The following EHBP1 variants were observed in gnomAD, a reference collection of about 807,000 sequenced individuals.
EHBP1 encodes EH domain-binding protein 1.
In EHBP1, 55 loss-of-function variants were observed where a neutral mutation model predicts 144.0. That is an observed-to-expected ratio of 0.38 (90% CI 0.31 to 0.48). EHBP1 has a LOEUF of 0.48. EHBP1 is among the 20% of genes least tolerant of loss of function. The pLI is 0.98. For missense variants in EHBP1, 1,200 were observed against 1,364.2 expected (o/e 0.88, Z 1.90); for synonymous variants, 469 against 472.7 (o/e 0.99, Z 0.10).
intron 2 of EHBP1, among the ~76,000 whole-genome samples, chr2:62,734,969 C>T (rs1300970460): frequency 5.9e-5 from 9 of 152,248 alleles, no homozygotes; most frequent in African/African-American, 2.4e-5. Context: ...GGCGCGATCA[C>T]GGCACACTGC....
At chr2:62,800,074 G>T (rs1256675982) in intron 5 of EHBP1, among the ~76,000 whole-genome samples, 1 of 152,186 alleles carries the variant, frequency 6.6e-6, no homozygotes, top group Non-Finnish European at 1.5e-5. Flanking sequence ...TAATTTTTAT[G>T]CCAGTCATGT....
intron 1 of EHBP1, among the ~76,000 whole-genome samples, chr2:62,680,254 C>A (rs914434149): frequency 6.6e-6 from 1 of 152,210 alleles, no homozygotes; most frequent in African/African-American, 2.4e-5. Flanking sequence ...CCTCCCCTCT[C>A]ATTTTCAGTG....
At chr2:62,771,497 A>T in intron 5 of EHBP1, 105 bp downstream of exon 5, 1 of 774,508 alleles carries the variant, frequency 1.3e-6, no homozygotes, top group East Asian at 2.7e-5. Context: ...GCCTTAAGAA[A>T]ATTAAATAGT....
At chr2:62,762,113 C>T (rs1303952626) in intron 3 of EHBP1, among the ~76,000 whole-genome samples, 1 of 152,054 alleles carries the variant, frequency 6.6e-6, no homozygotes, top group East Asian at 1.9e-4. Flanking sequence ...TTATTAATGG[C>T]TTCTGCTTTG....
In EHBP1 at chr2:62,937,411, C is replaced by T. The variant is rs190737032; in HGVS notation, c.1186-5307C>T. On this transcript the variant is annotated intron_variant, in intron 10 of 22. Transcript: ENST00000431489. The stretch of plus-strand genomic sequence containing the variant: ...TAGCTAATCTGTGTAAAGGTCTTAA[C>T]TTTGTGGGGCATAATAGGTGCTCAG... Among the ~76,000 whole-genome samples the T allele has an allele frequency of 6.8e-4, 103 of 152,248 alleles. 1 individual carries two copies. The highest frequency in any genetic ancestry group is 2.2e-3 in the African/African-American group (91 of 41,526).
intron 3 of EHBP1, among the ~76,000 whole-genome samples, chr2:62,759,537 C>G (rs1051264951): frequency 6.6e-6 from 1 of 152,098 alleles, no homozygotes; most frequent in Non-Finnish European, 1.5e-5. Context: ...TCCCAAGTAG[C>G]TGGGATTACA....
intron 16 of EHBP1, among the ~76,000 whole-genome samples, chr2:62,991,287 A>G (rs964991048): frequency 6.6e-6 from 1 of 151,986 alleles, no homozygotes; most frequent in Non-Finnish European, 1.5e-5. Context: ...AATTGTATTA[A>G]ATAGCCAATA....
At chr2:62,962,156 C>T (rs1252428174) in intron 14 of EHBP1, among the ~76,000 whole-genome samples, 1 of 151,904 alleles carries the variant, frequency 6.6e-6, no homozygotes, top group Non-Finnish European at 1.5e-5. Flanking sequence ...GAAACCCCAT[C>T]TCTACCAAAA....
intron 2 of EHBP1, among the ~76,000 whole-genome samples, chr2:62,713,984 A>G (rs2035412678): frequency 6.6e-6 from 1 of 152,190 alleles, no homozygotes; most frequent in Admixed American, 6.5e-5. Context: ...TTGGATATTG[A>G]TGTGCTTACA....
At chr2:62,944,442 C>T (rs1231446960) in intron 12 of EHBP1, among the ~76,000 whole-genome samples, 1 of 152,148 alleles carries the variant, frequency 6.6e-6, no homozygotes, top group African/African-American at 2.4e-5. Context: ...CAATTACCTA[C>T]ACTATTCAGT....
Position 63,045,839 on chromosome 2 carries a change from A to AT in EHBP1, c.*345dup. 5.4e-6 allele frequency: 1 copy of AT among 186,370 alleles called. No individual in the cohort carries two copies. The highest frequency in any genetic ancestry group is 1.1e-5 in the Non-Finnish European group (1 of 89,178). 11.5% of individuals were successfully genotyped at this position (186,370 alleles called of 1,614,324 possible). A position where few individuals can be genotyped will look rare whatever the true frequency, so the allele number is the denominator to read the frequency against. On this transcript the variant is annotated 3_prime_UTR_variant, in exon 23 of 23. Coordinates refer to ENST00000431489, the MANE Select transcript of EHBP1 (RefSeq NM_001142616.3). The surrounding 1 kb of genome is among the most constrained non-coding windows in gnomAD (Gnocchi z 5.7). Reference sequence around the variant, plus strand: ...AACACTTCCCTCGTTATTTTCTCTCATTTTTTGATGAGAGGAAAATTTGAA... The same window carrying AT: ...AACACTTCCCTCGTTATTTTCTCTCATTTTTTTGATGAGAGGAAAATTTGAA...
chr2:62,947,594 A>G (rs2057137646), intron 12 of EHBP1, among the ~76,000 whole-genome samples: 1 of 152,192 alleles, frequency 6.6e-6, no homozygotes, highest in Non-Finnish European at 1.5e-5. Flanking sequence ...TAAATTGAGA[A>G]ACAGCTTAGA....
chr2:62,987,440 A>T (rs998681105), intron 15 of EHBP1, among the ~76,000 whole-genome samples: 1 of 152,172 alleles, frequency 6.6e-6, no homozygotes, highest in African/African-American at 2.4e-5. Context: ...TGTTTTTATG[A>T]TAATATTTCA....
At chr2:62,897,838 A>C (rs868682285) in intron 10 of EHBP1, among the ~76,000 whole-genome samples, 1 of 152,268 alleles carries the variant, frequency 6.6e-6, no homozygotes, top group Middle Eastern at 3.4e-3. Flanking sequence ...CCTATAAACT[A>C]CCTATCCTAG....
At chr2:62,701,300 T>A (rs191200296), upstream of EHBP1, among the ~76,000 whole-genome samples, 1 of 152,336 alleles carries the variant, frequency 6.6e-6, no homozygotes, top group East Asian at 1.9e-4. Context: ...AAATATTATT[T>A]CAATATGTAA....
At chr2:62,684,829 C>A (rs562228184) in intron 1 of EHBP1, among the ~76,000 whole-genome samples, 3 of 152,102 alleles carry the variant, frequency 2.0e-5, no homozygotes, top group Non-Finnish European at 4.4e-5. Context: ...AAAGAGAGAA[C>A]GTTTATGTAT....
chr2:62,914,666 A>G (rs1167774372), intron 10 of EHBP1, among the ~76,000 whole-genome samples: 7 of 152,066 alleles, frequency 4.6e-5, no homozygotes, highest in Non-Finnish European at 1.0e-4. Flanking sequence ...GGCTCTACTT[A>G]GAGAACTGAG....
At chr2:62,864,670 C>A (rs1463232657) in intron 8 of EHBP1, 61 bp from the exon 9 acceptor site, 8 of 1,500,202 alleles carry the variant, frequency 5.3e-6, no homozygotes, top group Non-Finnish European at 7.2e-6. Flanking sequence ...GAACACTAAA[C>A]AATATTAGAA....
chr2:63,011,363 G>A (rs2060260724), intron 19 of EHBP1, among the ~76,000 whole-genome samples: 1 of 151,766 alleles, frequency 6.6e-6, no homozygotes, highest in Admixed American at 6.6e-5. Flanking sequence ...GTTTGGTTTA[G>A]CATAAAAAAG....
Sources: gnomAD v4.1 joint callset for allele counts (sites outside exome capture counted in the v4.1 genomes callset) on GRCh38, gnomAD v4.1.1 for gene constraint, Gnocchi (gnomAD v3.1) non-coding constraint, MANE v1.5 for transcripts, NCBI Gene and HGNC (gene_info 2026-07-23, HGNC 2026-07-21) for gene names.